Variants in GATA4 observed in about 807,000 individuals in gnomAD.
GATA4 encodes the protein transcription factor GATA-4.
Under a neutral mutation model 37.9 loss-of-function variants are expected in GATA4, and 7 were observed. That is an observed-to-expected ratio of 0.18 (90% CI 0.11 to 0.35). GATA4 has a LOEUF of 0.35. Ranked by LOEUF, GATA4 falls within the 10% of genes least tolerant of loss-of-function variation. The pLI is 1.00. For missense variants in GATA4, 647 were observed against 653.0 expected, an observed-to-expected ratio of 0.99 and a Z score of 0.10; for synonymous variants, 372 against 292.6, an observed-to-expected ratio of 1.27 and a Z score of -2.77.
At chr8:11,744,306 T>G (rs1801921957) in intron 2 of GATA4, among the ~76,000 whole-genome samples, 1 of 152,276 alleles carries the variant, frequency 6.6e-6, no homozygotes, top group Admixed American at 6.5e-5. Context: ...CAAAGCACTT[T>G]ACAGCCATTG....
rs1321269379 is a variant in GATA4, at chr8:11,707,584, C to T, written c.-457-272C>T. On this transcript the variant is annotated intron_variant, in intron 1 of 6. Coordinates refer to ENST00000532059, the MANE Select transcript of GATA4 (RefSeq NM_001308093.3). The surrounding 1 kb of genome is among the most constrained non-coding windows in gnomAD (Gnocchi z 4.7). Reference sequence around the variant, plus strand: ...TGACAAGCAATACAAAAATCATTGACCAAGATCACAACCAATAACTGCACA... The same window carrying T: ...TGACAAGCAATACAAAAATCATTGATCAAGATCACAACCAATAACTGCACA... 2.0e-5 allele frequency among the ~76,000 whole-genome samples: 3 copies of T among 152,180 alleles called. No individual in the cohort carries two copies. Among genetic ancestry groups the T allele is most frequent in the African/African-American group, 4.8e-5 (2 of 41,436 alleles).
chr8:11,697,584 G>T (rs1265647482), intron 1 of GATA4: 7 of 985,318 alleles, frequency 7.1e-6, no homozygotes, highest in African/African-American at 1.7e-5. Context: ...CTGTCTGAAG[G>T]GGTCCTCGCC....
At chr8:11,740,634 T>C (rs1344709935) in intron 2 of GATA4, among the ~76,000 whole-genome samples, 1 of 152,172 alleles carries the variant, frequency 6.6e-6, no homozygotes, top group African/African-American at 2.4e-5. Context: ...GTAAAAAATG[T>C]ATTGGTATAG....
chr8:11,705,375 T>A (rs1416929431), intron 1 of GATA4, among the ~76,000 whole-genome samples: 1 of 152,232 alleles, frequency 6.6e-6, no homozygotes, highest in East Asian at 1.9e-4. Flanking sequence ...TCCTCCTCGC[T>A]GCAGGCCGAG....
intron 1 of GATA4, among the ~76,000 whole-genome samples, chr8:11,678,907 G>A (rs1022958088): frequency 5.9e-5 from 9 of 152,142 alleles, no homozygotes; most frequent in Admixed American, 2.6e-4. Flanking sequence ...TGTGTGCTTA[G>A]TATTGAGGAA....
chr8:11,715,631 T>C (rs1371092064), intron 2 of GATA4, among the ~76,000 whole-genome samples: 3 of 151,768 alleles, frequency 2.0e-5, no homozygotes, highest in Non-Finnish European at 4.4e-5. Context: ...ATCCCAGCTA[T>C]TCAGGAGGCT....
At chr8:11,735,005 CAAAT>C (rs1254296985) in intron 2 of GATA4, among the ~76,000 whole-genome samples, 6 of 152,198 alleles carry the variant, frequency 3.9e-5, no homozygotes, top group South Asian at 2.1e-4. Context: ...TAAATCAACT[CAAAT>C]AAAGCAGATC....
At chr8:11,748,861 C>T in intron 2 of GATA4, 55 bp from the exon 3 acceptor site, 1 of 1,583,688 alleles carries the variant, frequency 6.3e-7, no homozygotes, top group Non-Finnish European at 8.7e-7. Context: ...GAGAGCTGGG[C>T]ATAAACAAAG....
At chr8:11,743,278 G>A (rs1392121682) in intron 2 of GATA4, among the ~76,000 whole-genome samples, 2 of 152,246 alleles carry the variant, frequency 1.3e-5, no homozygotes, top group South Asian at 2.1e-4. Flanking sequence ...CAACATGTTC[G>A]TTACGTCTAG....
At chr8:11,741,966 C>G (rs935121994) in intron 2 of GATA4, among the ~76,000 whole-genome samples, 7 of 152,166 alleles carry the variant, frequency 4.6e-5, no homozygotes, top group African/African-American at 1.7e-4. Context: ...GGTTAAGAGA[C>G]TGACTGCCCA....
chr8:11,750,082 A>G (rs768062053), intron 3 of GATA4, 29 bp from the exon 4 acceptor site: 3 of 1,613,940 alleles, frequency 1.9e-6, no homozygotes, highest in South Asian at 2.2e-5. Context: ...TTTTACTTGG[A>G]CATGAAGCAT....
chr8:11,708,873 G>C lies in GATA4; in HGVS notation c.561G>C (p.Pro187=). The C allele has an allele frequency of 1.3e-6, 2 of 1,517,394 alleles. No homozygotes were observed. The highest frequency in any genetic ancestry group is 1.4e-5 in the African/African-American group (1 of 70,312). The allele number at this position is 1,517,394 out of a possible 1,614,324, so 94.0% of individuals were successfully genotyped here. ...AAASAGPFDS[P]VLHSLPGRAN... ...CCTCCGCCGGCCCCTTCGACAGCCC[G>C]GTCCTGCACAGCCTGCCCGGCCGGG... is the stretch of plus-strand genomic sequence containing the variant. Residue 187 remains proline, a synonymous_variant, in exon 2 of 7, where the codon CCG becomes CCC. Coordinates refer to ENST00000532059, the MANE Select transcript of GATA4 (RefSeq NM_001308093.3). This position sits in a 1 kb window ranked among gnomAD's most constrained non-coding sequence, Gnocchi z 6.7.
Position 11,708,013 on chromosome 8 carries a change from A to C in GATA4, c.-300A>C. 1 of 419,732 alleles carries C rather than the reference A, an allele frequency of 2.4e-6. No homozygotes were observed. Among genetic ancestry groups the C allele is most frequent in the Non-Finnish European group, 4.5e-6 (1 of 222,538 alleles). 26.0% of individuals were successfully genotyped at this position (419,732 alleles called of 1,614,324 possible). A position where few individuals can be genotyped will look rare whatever the true frequency, so the allele number is the denominator to read the frequency against. ...CTGCCCTCCGTCTTCTGCCCCCAAT[A>C]GGTGCGCCGGACCTTCAGGCCCTGG... On this transcript the variant is annotated 5_prime_UTR_variant, in exon 2 of 7. Coordinates refer to ENST00000532059, the MANE Select transcript of GATA4 (RefSeq NM_001308093.3). This position sits in a 1 kb window ranked among gnomAD's most constrained non-coding sequence, Gnocchi z 6.7.
intron 2 of GATA4, among the ~76,000 whole-genome samples, chr8:11,741,672 G>A (rs535971656): frequency 1.6e-4 from 24 of 152,172 alleles, no homozygotes; most frequent in Non-Finnish European, 1.3e-4. Flanking sequence ...GGCCCACATG[G>A]AGGGGTTCTC....
At chr8:11,701,836 G>A (rs1003306453), upstream of GATA4, among the ~76,000 whole-genome samples, 1 of 151,800 alleles carries the variant, frequency 6.6e-6, no homozygotes, top group Admixed American at 6.6e-5. Context: ...GGAAGGTGTG[G>A]GTAAAGGACC....
At chr8:11,736,568 G>C (rs141987134) in intron 2 of GATA4, among the ~76,000 whole-genome samples, 458 of 152,374 alleles carry the variant, frequency 3.0e-3, no homozygotes, top group Non-Finnish European at 5.4e-3. Context: ...GCGCCCTCTA[G>C]AGGCTGGAGG....
At chr8:11,688,095 T>C (rs1351696371), upstream of GATA4, among the ~76,000 whole-genome samples, 2 of 152,160 alleles carry the variant, frequency 1.3e-5, no homozygotes, top group African/African-American at 4.8e-5. Flanking sequence ...TAAGTAGCAA[T>C]AAGGAATTAT....
intron 2 of GATA4, among the ~76,000 whole-genome samples, chr8:11,713,824 G>A (rs981121462): frequency 2.0e-5 from 3 of 152,226 alleles, no homozygotes; most frequent in Non-Finnish European, 4.4e-5. Context: ...TCTGCGGATA[G>A]TTCTTGCCTT....
intron 1 of GATA4, among the ~76,000 whole-genome samples, chr8:11,704,795 C>G (rs1799819520): frequency 6.6e-6 from 1 of 152,222 alleles, no homozygotes; most frequent in African/African-American, 2.4e-5. Flanking sequence ...CAGGGGCCCC[C>G]GGGAGCCGCT....
Sources: allele counts gnomAD v4.1 joint callset (sites outside exome capture counted in the v4.1 genomes callset), GRCh38; gene constraint gnomAD v4.1.1; non-coding constraint Gnocchi (gnomAD v3.1); transcripts MANE v1.5; gene names NCBI Gene and HGNC (gene_info 2026-07-23, HGNC 2026-07-21).